The following OAT variants were observed in gnomAD, a reference collection of about 807,000 sequenced individuals.
OAT encodes ornithine aminotransferase.
A neutral mutation model predicts 48.4 loss-of-function variants in OAT; 35 were observed. The observed-to-expected ratio is 0.72, with a 90% CI of 0.55 to 0.96. The LOEUF (loss-of-function observed/expected upper bound fraction) is 0.96. OAT is among the 40% of genes least tolerant of loss of function. OAT has a pLI of 0.00. For missense variants in OAT, 438 were observed against 537.9 expected (o/e 0.81, Z 1.84); for synonymous variants, 182 against 198.4 (o/e 0.92, Z 0.70).
chr10:124,415,021 T>C (rs1408323260), intron 1 of OAT: 1 of 120,196 alleles, frequency 8.3e-6, no homozygotes, highest in African/African-American at 3.2e-5. Context: ...AGTTCTGGGC[T>C]GCAGTGAGCC....
chr10:124,404,005 A>G, intron 5 of OAT, 85 bp from the exon 6 acceptor site: 1 of 1,528,498 alleles, frequency 6.5e-7, no homozygotes, highest in South Asian at 1.1e-5. Flanking sequence ...CATATTTTAC[A>G]TTAAGTATGC....
At chr10:124,400,045 T>C (rs895393426) in intron 9 of OAT, among the ~76,000 whole-genome samples, 2 of 152,206 alleles carry the variant, frequency 1.3e-5, no homozygotes, top group African/African-American at 4.8e-5. Flanking sequence ...AGAAAAGAGC[T>C]ATATTTTTTA....
chr10:124,411,406 T>C (rs920209739), intron 2 of OAT, among the ~76,000 whole-genome samples: 36 of 152,156 alleles, frequency 2.4e-4, no homozygotes, highest in African/African-American at 8.7e-4. Context: ...GACAGCAATA[T>C]GATAGTACTT....
chr10:124,397,822 C>T lies in OAT; in HGVS notation c.*120G>A. 8.6e-7 allele frequency: 1 copy of T among 1,163,312 alleles called. No homozygotes were observed. The highest frequency in any genetic ancestry group is 1.3e-5 in the South Asian group (1 of 75,156). 72.1% of individuals were successfully genotyped at this position (1,163,312 alleles called of 1,614,324 possible). A position where few individuals can be genotyped will look rare whatever the true frequency, so the allele number is the denominator to read the frequency against. On this transcript the variant is annotated 3_prime_UTR_variant, in exon 10 of 10. Transcript: ENST00000368845. Reference sequence around the variant, plus strand: ...ATGTATCAACTGAAAAAAATATATTCAAAAAAAAAGTTTTTGAAGACTCAT... The same window carrying T: ...ATGTATCAACTGAAAAAAATATATTTAAAAAAAAAGTTTTTGAAGACTCAT...
At chr10:124,409,511 A>G (rs1266209240) in intron 2 of OAT, among the ~76,000 whole-genome samples, 1 of 152,130 alleles carries the variant, frequency 6.6e-6, no homozygotes, top group African/African-American at 2.4e-5. Flanking sequence ...AGATTGTGCC[A>G]CTGCACTCCA....
chr10:124,399,809 T>C (rs1951349990), intron 9 of OAT, among the ~76,000 whole-genome samples: 2 of 152,184 alleles, frequency 1.3e-5, no homozygotes, highest in Admixed American at 1.3e-4. Flanking sequence ...ATTTTTATTA[T>C]TGACCCCATA....
At chr10:124,414,376 A>G (rs1951851560) in intron 1 of OAT, 1 of 152,236 alleles carries the variant, frequency 6.6e-6, no homozygotes, top group South Asian at 2.1e-4. Context: ...GGTTCAGTCT[A>G]GAATACAGAT....
intron 9 of OAT, among the ~76,000 whole-genome samples, chr10:124,399,904 G>A (rs1951352567): frequency 6.6e-6 from 1 of 152,138 alleles, no homozygotes; most frequent in Non-Finnish European, 1.5e-5. Flanking sequence ...GGATAGCAAA[G>A]AGGACACTTT....
At position 124,397,962 on chromosome 10, in the gene OAT, T is replaced by C. The variant is rs200785094; in HGVS notation, c.1300A>G (p.Lys434Glu). 64 of 1,613,812 alleles carry C rather than the reference T, an allele frequency of 4.0e-5. No individual in the cohort carries two copies. The highest frequency in any genetic ancestry group is 5.2e-5 in the Non-Finnish European group (61 of 1,179,850). ...ELRESIEIIN[K>E]TILSF ...TACCCTCAGAAAGACAAGATGGTCT[T>C]GTTAATAATTTCAATGGACTCTCGA... is the stretch of plus-strand genomic sequence containing the variant. The change falls in exon 10 of 10, where the codon AAG (lysine) becomes GAG (glutamate). Residue 434 changes from lysine (K) to glutamate (E), a missense_variant. Physicochemically the swap from Lys to Glu is moderately conservative, Grantham distance 56. Coordinates refer to ENST00000368845, the MANE Select transcript of OAT (RefSeq NM_000274.4).
At chr10:124,410,809 G>A (rs1951722518) in intron 2 of OAT, among the ~76,000 whole-genome samples, 1 of 151,642 alleles carries the variant, frequency 6.6e-6, no homozygotes, top group South Asian at 2.1e-4. Flanking sequence ...AAAAGTCATT[G>A]CGTTTTTGGA....
At chr10:124,404,945 G>A (rs1429585836) in intron 5 of OAT, among the ~76,000 whole-genome samples, 2 of 152,214 alleles carry the variant, frequency 1.3e-5, no homozygotes, top group African/African-American at 2.4e-5. Flanking sequence ...TTGGGAGGCT[G>A]AGGCAGGAGG....
chr10:124,416,228 C>CT (rs1951914663), intron 1 of OAT, among the ~76,000 whole-genome samples: 1 of 152,120 alleles, frequency 6.6e-6, no homozygotes, highest in African/African-American at 2.4e-5. Flanking sequence ...CAGTAAAATT[C>CT]ACTTTGCATT....
rs75053205 is a variant in OAT at position 124,417,084 on chromosome 10, C to T, written c.-30+1789G>A. Among the ~76,000 whole-genome samples, 1,105 of 152,150 alleles carry T rather than the reference C, an allele frequency of 7.3e-3. 9 individuals carry two copies. Among genetic ancestry groups the T allele is most frequent in the African/African-American group, 0.025 (1,054 of 41,490 alleles). On this transcript the variant is annotated intron_variant, in intron 1 of 9. Coordinates refer to ENST00000368845, the MANE Select transcript of OAT (RefSeq NM_000274.4). ...GATTTGAAAGGTCCTCAAGAACTCACTAAAGGGCATAAAATATGCACACAA... is the reference window on the plus strand; with the variant it reads ...GATTTGAAAGGTCCTCAAGAACTCATTAAAGGGCATAAAATATGCACACAA...
Position 124,401,756 on chromosome 10 carries a change from T to G in OAT, c.984A>C (p.Leu328=). 2 of 1,613,036 alleles carry G rather than the reference T, an allele frequency of 1.2e-6. No homozygotes were observed. The highest frequency in any genetic ancestry group is 1.7e-6 in the Non-Finnish European group (2 of 1,179,538). ...GGGCTGCGATGGCCACTCGGCAGCC[T>G]AGTGGATTGCCACCGTATGTGGACC... ...EHGSTYGGNP[L]GCRVAIAALE... is the part of the protein sequence containing the mutation. Residue 328 remains leucine (L), a synonymous_variant, in exon 8 of 10, where the codon CTA becomes CTC. Coordinates refer to ENST00000368845, the MANE Select transcript of OAT (RefSeq NM_000274.4).
intron 4 of OAT, chr10:124,405,851 C>A: frequency 8.2e-7 from 1 of 1,217,616 alleles, no homozygotes; most frequent in Non-Finnish European, 1.0e-6. Flanking sequence ...ACTTACTTTT[C>A]TTTCAATAAT....
At chr10:124,399,310 A>AT (rs1301879769) in intron 9 of OAT, among the ~76,000 whole-genome samples, 1 of 112,290 alleles carries the variant, frequency 8.9e-6, no homozygotes, top group Non-Finnish European at 2.0e-5. Flanking sequence ...GCTTTGACTC[A>AT]TTTTTTTAAG....
intron 1 of OAT, among the ~76,000 whole-genome samples, chr10:124,412,553 T>C (rs927858900): frequency 6.6e-6 from 1 of 151,128 alleles, no homozygotes; most frequent in African/African-American, 2.4e-5. Context: ...CATCTGTAAT[T>C]CCAGCACCTT....
At chr10:124,403,381 T>C (rs1951472819) in intron 6 of OAT, 1 of 447,432 alleles carries the variant, frequency 2.2e-6, no homozygotes, top group Non-Finnish European at 4.1e-6. Flanking sequence ...AATTAATTCA[T>C]TTGTTTATTC....
At chr10:124,401,538 C>T (rs1285383024) in intron 8 of OAT, among the ~76,000 whole-genome samples, 188 bp downstream of exon 8, 1 of 152,214 alleles carries the variant, frequency 6.6e-6, no homozygotes, top group East Asian at 1.9e-4. Flanking sequence ...GGAGGAAATC[C>T]AGTCTACTAG....
Sources: allele counts gnomAD v4.1 joint callset (sites outside exome capture counted in the v4.1 genomes callset), GRCh38; gene constraint gnomAD v4.1.1; transcripts MANE v1.5; gene names NCBI Gene and HGNC (gene_info 2026-07-23, HGNC 2026-07-21).